Variants in CTNNA3 observed in about 807,000 individuals in gnomAD.
The protein encoded by CTNNA3 is catenin alpha 3, also known as catenin alpha-3.
In CTNNA3, 76 loss-of-function variants were observed where a neutral mutation model predicts 95.7. The ratio of observed to expected loss-of-function variants is 0.79; its 90% CI spans 0.66 to 0.96. CTNNA3 has a LOEUF of 0.96. CTNNA3 is among the 40% of genes least tolerant of loss of function. The pLI is 0.00. For missense variants in CTNNA3, 1,191 were observed against 1,089.8 expected (o/e 1.09, Z -1.31); for synonymous variants, 431 against 374.4 (o/e 1.15, Z -1.74).
intron 15 of CTNNA3, among the ~76,000 whole-genome samples, chr10:66,037,274 G>A (rs1466615411): frequency 6.6e-6 from 1 of 152,154 alleles, no homozygotes; most frequent in Non-Finnish European, 1.5e-5. Flanking sequence ...TTCAGGGTCA[G>A]AATAGTTCAG....
intron 9 of CTNNA3, among the ~76,000 whole-genome samples, chr10:66,638,722 T>C (rs553976108): frequency 2.5e-4 from 38 of 152,232 alleles, no homozygotes; most frequent in African/African-American, 9.1e-4. Context: ...CTTTCTGGTA[T>C]CTCCAGGAAT....
At chr10:67,484,737 TA>T (rs1746198587) in intron 5 of CTNNA3, among the ~76,000 whole-genome samples, 1 of 151,742 alleles carries the variant, frequency 6.6e-6, no homozygotes, top group Non-Finnish European at 1.5e-5. Context: ...TAATGCAAAA[TA>T]AAACCACAAT....
At chr10:66,814,976 C>A (rs1037513023) in intron 7 of CTNNA3, among the ~76,000 whole-genome samples, 2 of 151,374 alleles carry the variant, frequency 1.3e-5, no homozygotes, top group African/African-American at 4.9e-5. Context: ...CTCAGCCTCC[C>A]GAGGAGTTGG....
chr10:66,590,406 A>C (rs1843509810), intron 10 of CTNNA3, among the ~76,000 whole-genome samples: 1 of 152,106 alleles, frequency 6.6e-6, no homozygotes, highest in Non-Finnish European at 1.5e-5. Flanking sequence ...TACTGGCAAA[A>C]TACATGTTAC....
At chr10:67,487,844 C>T (rs1160309332) in intron 5 of CTNNA3, among the ~76,000 whole-genome samples, 1 of 152,132 alleles carries the variant, frequency 6.6e-6, no homozygotes, top group East Asian at 1.9e-4. Flanking sequence ...CTTCCTCACC[C>T]CTAGGTACCA....
At chr10:67,717,810 TG>T (rs1231483895) in intron 1 of CTNNA3, among the ~76,000 whole-genome samples, 1 of 152,206 alleles carries the variant, frequency 6.6e-6, no homozygotes, top group African/African-American at 2.4e-5. Flanking sequence ...GGCTCTTTTT[TG>T]GTTCCATATG....
chr10:66,706,647 G>A (rs1225355029), intron 9 of CTNNA3, among the ~76,000 whole-genome samples: 1 of 151,860 alleles, frequency 6.6e-6, no homozygotes, highest in African/African-American at 2.4e-5. Flanking sequence ...TGCTTTTTAG[G>A]CTATTGTCTT....
chr10:67,075,170 G>GCACACACA (rs57260841), intron 7 of CTNNA3, among the ~76,000 whole-genome samples: 14,857 of 149,678 alleles, frequency 0.099, 1,754 homozygotes, highest in African/African-American at 0.29. Flanking sequence ...AAGGATTTCT[G>GCACACACA]CACACACACA....
chr10:66,695,775 A>G lies in CTNNA3; in HGVS notation c.1281+70489T>C, dbSNP rs1002548635. Among the ~76,000 whole-genome samples the G allele has an allele frequency of 3.4e-4, 51 of 152,110 alleles. 1 individual carries two copies. The highest frequency in any genetic ancestry group is 1.2e-3 in the African/African-American group (48 of 41,422). ...AAGCTAGATTCCTGCTTAAAAATTC[A>G]TGACTAATTTTTAGCATGAAACAGC... On this transcript the variant is annotated intron_variant, in intron 9 of 17. Coordinates refer to ENST00000433211, the MANE Select transcript of CTNNA3 (RefSeq NM_013266.4).
intron 3 of CTNNA3, among the ~76,000 whole-genome samples, chr10:67,556,856 A>G (rs948910219): frequency 1.3e-5 from 2 of 152,150 alleles, no homozygotes; most frequent in African/African-American, 2.4e-5. Flanking sequence ...TAGGGTGTCA[A>G]TTTTGGATCT....
chr10:65,925,224 C>T (rs1265794375), intron 17 of CTNNA3, among the ~76,000 whole-genome samples: 1 of 152,190 alleles, frequency 6.6e-6, no homozygotes, highest in Non-Finnish European at 1.5e-5. Flanking sequence ...TCTAGCCCCT[C>T]ATATTCCCAC....
chr10:67,019,207 T>C (rs1852838670), intron 7 of CTNNA3, among the ~76,000 whole-genome samples: 1 of 152,178 alleles, frequency 6.6e-6, no homozygotes, highest in Non-Finnish European at 1.5e-5. Flanking sequence ...CTTTTCTTTT[T>C]TTAATTTTAT....
chr10:67,136,729 T>A (rs1860323788), intron 7 of CTNNA3, among the ~76,000 whole-genome samples: 1 of 152,144 alleles, frequency 6.6e-6, no homozygotes, highest in Non-Finnish European at 1.5e-5. Flanking sequence ...CTGAACTTCC[T>A]CAAAAAAGAA....
At chr10:67,546,193 G>A (rs1434131766) in intron 3 of CTNNA3, among the ~76,000 whole-genome samples, 1 of 151,994 alleles carries the variant, frequency 6.6e-6, no homozygotes, top group Non-Finnish European at 1.5e-5. Flanking sequence ...GAGTACAGGG[G>A]TAATCTTAGC....
intron 5 of CTNNA3, among the ~76,000 whole-genome samples, chr10:67,397,445 T>G (rs1340690802): frequency 6.6e-6 from 1 of 152,086 alleles, no homozygotes; most frequent in Non-Finnish European, 1.5e-5. Context: ...ACTTTGAACT[T>G]GAGAGAGATA....
intron 17 of CTNNA3, among the ~76,000 whole-genome samples, chr10:65,943,218 C>T (rs2077456688): frequency 6.6e-6 from 1 of 152,058 alleles, no homozygotes; most frequent in Non-Finnish European, 1.5e-5. Context: ...CGCCCACCAC[C>T]GTGCCTGGCT....
chr10:67,340,176 G>A (rs1196132867), intron 5 of CTNNA3, among the ~76,000 whole-genome samples: 4 of 152,074 alleles, frequency 2.6e-5, no homozygotes, highest in Non-Finnish European at 1.5e-5. Flanking sequence ...TACCTAACAA[G>A]GGCAGGAGGA....
chr10:66,355,187 T>C (rs1329927659), intron 12 of CTNNA3, among the ~76,000 whole-genome samples: 1 of 152,108 alleles, frequency 6.6e-6, no homozygotes, highest in Admixed American at 6.5e-5. Context: ...TTACTGAGTA[T>C]TAGTATGTGT....
At chr10:67,755,027 A>C (rs1841425541) in intron 1 of CTNNA3, among the ~76,000 whole-genome samples, 1 of 152,048 alleles carries the variant, frequency 6.6e-6, no homozygotes, top group African/African-American at 2.4e-5. Context: ...GCGAGACCTT[A>C]TCTCTACAAA....
Sources: allele counts gnomAD v4.1 joint callset (sites outside exome capture counted in the v4.1 genomes callset), GRCh38; gene constraint gnomAD v4.1.1; transcripts MANE v1.5; gene names NCBI Gene and HGNC (gene_info 2026-07-23, HGNC 2026-07-21).